The following PLCG2 variants were observed in gnomAD, a reference collection of about 807,000 sequenced individuals.
The protein encoded by PLCG2 is 1-phosphatidylinositol 4,5-bisphosphate phosphodiesterase gamma-2.
In PLCG2, 69 loss-of-function variants were observed where a neutral mutation model predicts 175.6. The ratio of observed to expected loss-of-function variants is 0.39; its 90% CI spans 0.32 to 0.48. PLCG2 has a LOEUF of 0.48. Ranked by LOEUF, PLCG2 falls within the 20% of genes least tolerant of loss-of-function variation. The pLI is 0.91. For synonymous variants in PLCG2, 827 were observed against 624.0 expected (o/e 1.33, Z -4.85); for missense variants, 1,798 against 1,650.9 (o/e 1.09, Z -1.54).
intron 30 of PLCG2, among the ~76,000 whole-genome samples, chr16:81,942,259 G>C (rs771023010): frequency 6.6e-6 from 1 of 152,118 alleles, no homozygotes; most frequent in Non-Finnish European, 1.5e-5. Context: ...ATAAAACCTC[G>C]TTACCTTAAT....
intron 7 of PLCG2, among the ~76,000 whole-genome samples, chr16:81,877,607 G>C (rs188247339): frequency 3.9e-4 from 60 of 152,348 alleles, no homozygotes; most frequent in Non-Finnish European, 7.1e-4. Flanking sequence ...GTGGCTGCCA[G>C]CAATGCTTCA....
intron 1 of PLCG2, 31 bp downstream of exon 1, chr16:81,779,455 A>G (rs62046429): frequency 0.13 from 18,941 of 151,382 alleles, 1,711 homozygotes; most frequent in East Asian, 0.46. Context: ...CGAGGCAGGC[A>G]GGGCGCCCAG....
Position 81,854,436 on chromosome 16 carries a change from C to A in PLCG2, c.194-8C>A. 6.2e-7 allele frequency: 1 copy of A among 1,613,418 alleles called. No individual in the cohort carries two copies. The highest frequency in any genetic ancestry group is 8.5e-7 in the Non-Finnish European group (1 of 1,179,472). On this transcript the variant is annotated splice_region_variant and splice_polypyrimidine_tract_variant and intron_variant, in intron 2 of 32. Transcript: ENST00000564138. ...GCTTCTAATTGGCTCATGTTAATTT[C>A]ATTTTAGTGGATATCATGGAAATAA...
At chr16:81,872,809 C>A (rs1907582587) in intron 7 of PLCG2, among the ~76,000 whole-genome samples, 1 of 152,332 alleles carries the variant, frequency 6.6e-6, no homozygotes, top group South Asian at 2.1e-4. Flanking sequence ...CAGTCTTCTC[C>A]TCTGTGCAAT....
intron 2 of PLCG2, among the ~76,000 whole-genome samples, chr16:81,816,651 A>ACAT (rs1555509092): frequency 9.2e-6 from 1 of 108,878 alleles, no homozygotes; most frequent in African/African-American, 3.8e-5. Context: ...GCTAATTTTA[A>ACAT]TTTTTTTTTT....
At chr16:81,844,277 G>A (rs1905995587) in intron 2 of PLCG2, among the ~76,000 whole-genome samples, 1 of 151,080 alleles carries the variant, frequency 6.6e-6, no homozygotes, top group African/African-American at 2.4e-5. Context: ...ACAGGCGTGA[G>A]CCACCGCGCC....
Position 81,906,767 on chromosome 16 carries a change from C to T in PLCG2, c.1468-918C>T, listed in dbSNP as rs138530681. Among the ~76,000 whole-genome samples, 27 of 152,254 alleles carry T rather than the reference C, an allele frequency of 1.8e-4. No individual in the cohort carries two copies. In the East Asian group the frequency reaches 3.5e-3, roughly 20 times the overall value. On this transcript the variant is annotated intron_variant, in intron 15 of 32. Coordinates refer to ENST00000564138, the MANE Select transcript of PLCG2 (RefSeq NM_002661.5). ...GTAAAGAATTAAGTTGGGCCAGGCG[C>T]GATGGCTCATGCCTATAATCCTAGC...
At chr16:81,947,858 C>CAGAT (rs1244501015) in intron 31 of PLCG2, among the ~76,000 whole-genome samples, 1 of 152,144 alleles carries the variant, frequency 6.6e-6, no homozygotes, top group Non-Finnish European at 1.5e-5. Flanking sequence ...AAGAGTCCCC[C>CAGAT]AGATAGCCTG....
chr16:81,882,771 C>G (rs977111041), intron 8 of PLCG2, among the ~76,000 whole-genome samples: 29 of 152,060 alleles, frequency 1.9e-4, no homozygotes, highest in Non-Finnish European at 2.6e-4. Context: ...CTCATTCTGG[C>G]TCACCCCACC....
At chr16:81,878,715 A>C (rs945944829) in intron 7 of PLCG2, among the ~76,000 whole-genome samples, 8 of 151,990 alleles carry the variant, frequency 5.3e-5, no homozygotes, top group African/African-American at 1.9e-4. Context: ...CGTGGTCTTT[A>C]TCTTGTCCAC....
At chr16:81,775,690 G>A (rs1211881677), upstream of PLCG2, among the ~76,000 whole-genome samples, 1 of 152,198 alleles carries the variant, frequency 6.6e-6, no homozygotes, top group Non-Finnish European at 1.5e-5. Context: ...GGACTGGTGA[G>A]CAACACAGAA....
At chr16:81,785,104 C>T (rs541106921) in intron 1 of PLCG2, among the ~76,000 whole-genome samples, 1 of 152,172 alleles carries the variant, frequency 6.6e-6, no homozygotes, top group East Asian at 1.9e-4. Flanking sequence ...CTAGGAGGAG[C>T]CGGTGAAAGG....
At chr16:81,884,635 C>G (rs1418300226) in intron 9 of PLCG2, among the ~76,000 whole-genome samples, 3 of 151,692 alleles carry the variant, frequency 2.0e-5, no homozygotes, top group East Asian at 3.9e-4. Context: ...GTATGCATGT[C>G]TTTTCACATA....
At chr16:81,860,174 T>TATTATTATTA (rs1555513305) in intron 5 of PLCG2, among the ~76,000 whole-genome samples, 1,514 of 96,518 alleles carry the variant, frequency 0.016, 15 homozygotes, top group African/African-American at 0.039. Context: ...TTATTATTAT[T>TATTATTATTA]TTTTTTTTTT....
chr16:81,817,276 A>G (rs569036374), intron 2 of PLCG2, among the ~76,000 whole-genome samples: 48 of 152,362 alleles, frequency 3.2e-4, no homozygotes, highest in Middle Eastern at 6.8e-3. Flanking sequence ...TCCATCCCCC[A>G]TGTATAAAAT....
intron 1 of PLCG2, among the ~76,000 whole-genome samples, chr16:81,781,280 C>G (rs75373243): frequency 0.015 from 2,270 of 152,250 alleles, 63 homozygotes; most frequent in African/African-American, 0.052. Flanking sequence ...TTTTTATTGA[C>G]CTCACAAATC....
intron 2 of PLCG2, among the ~76,000 whole-genome samples, chr16:81,828,173 A>G (rs1051146256): frequency 2.0e-5 from 3 of 149,464 alleles, no homozygotes; most frequent in Non-Finnish European, 3.0e-5. Context: ...ACACTCCTGT[A>G]CCCTGATGCA....
At chr16:81,930,681 G>A (rs1484877220) in intron 24 of PLCG2, among the ~76,000 whole-genome samples, 1 of 151,238 alleles carries the variant, frequency 6.6e-6, no homozygotes, top group Non-Finnish European at 1.5e-5. Flanking sequence ...TTGGAAGGTG[G>A]AGGCTGCAGG....
intron 2 of PLCG2, among the ~76,000 whole-genome samples, chr16:81,765,105 A>G (rs1170677776): frequency 6.6e-6 from 1 of 152,206 alleles, no homozygotes; most frequent in African/African-American, 2.4e-5. Flanking sequence ...CACAAAAAAA[A>G]TAAATCAATG....
Sources: gnomAD v4.1 joint callset for allele counts (sites outside exome capture counted in the v4.1 genomes callset) on GRCh38, gnomAD v4.1.1 for gene constraint, MANE v1.5 for transcripts, NCBI Gene and HGNC (gene_info 2026-07-23, HGNC 2026-07-21) for gene names.